Variants in SPATA25 observed in about 807,000 individuals in gnomAD.
The protein encoded by SPATA25 is spermatogenesis associated 25, also known as spermatogenesis-associated protein 25.
SPATA25 carries 16 observed loss-of-function variants against 16.0 expected under a neutral mutation model. That is an observed-to-expected ratio of 1.00 (90% CI 0.68 to 1.52). The LOEUF (loss-of-function observed/expected upper bound fraction) is 1.52, where lower values mean the gene tolerates loss of function less well. SPATA25 is among the 40% of genes most tolerant of loss of function. The probability of loss-of-function intolerance (pLI) is 0.00; values close to 1 mark genes in which losing one functional copy is unlikely to be tolerated. For synonymous variants in SPATA25, 115 were observed against 118.5 expected (o/e 0.97, Z 0.19); for missense variants, 285 against 289.2 (o/e 0.99, Z 0.11).
chr20:45,890,608 C>T, upstream of SPATA25: 2 of 1,612,700 alleles, frequency 1.2e-6, no homozygotes, highest in Non-Finnish European at 1.7e-6. Flanking sequence ...CCTCCGCCTC[C>T]GGGCGGCCCT....
upstream of SPATA25, among the ~76,000 whole-genome samples, chr20:45,889,215 G>A (rs974791791): frequency 2.6e-5 from 4 of 152,192 alleles, no homozygotes; most frequent in Non-Finnish European, 5.9e-5. Context: ...CATGAAATGT[G>A]ATGAGAGGTA....
chr20:45,887,495 A>G, intron 1 of SPATA25, 41 bp downstream of exon 1: 1 of 1,598,486 alleles, frequency 6.3e-7, no homozygotes, highest in Non-Finnish European at 8.6e-7. Flanking sequence ...TCTCAGGGGA[A>G]GCTGCCGCAC....
At chr20:45,889,537 C>T (rs561432099), upstream of SPATA25, among the ~76,000 whole-genome samples, 15 of 152,094 alleles carry the variant, frequency 9.9e-5, no homozygotes, top group Non-Finnish European at 1.8e-4. Context: ...ATTTTTTGTA[C>T]AGATGGGGTC....
chr20:45,886,958 T>C lies in SPATA25; in HGVS notation c.243A>G (p.Thr81=). Residue 81 remains threonine, a synonymous_variant, in exon 2 of 2, where the codon ACA becomes ACG. Transcript: ENST00000372519. Reference sequence around the variant, plus strand: ...AGTTTCGGCTGTATTCCTTCCGTAGTGTCTCCCAGCTAGTCCCCCCAGGGC... The same window carrying C: ...AGTTTCGGCTGTATTCCTTCCGTAGCGTCTCCCAGCTAGTCCCCCCAGGGC... ...RGCPGGTSWE[T]LRKEYSRNCH... is the part of the protein sequence containing the mutation. 6.2e-7 allele frequency: 1 copy of C among 1,614,034 alleles called. No individual in the cohort carries two copies. Among genetic ancestry groups the C allele is most frequent in the South Asian group, 1.1e-5 (1 of 91,090 alleles).
upstream of SPATA25, chr20:45,890,484 G>A: frequency 6.3e-7 from 1 of 1,599,158 alleles, no homozygotes; most frequent in South Asian, 1.1e-5. Context: ...TCCAAGAGAT[G>A]GCTGTAGAGC....
chr20:45,890,355 T>G (rs762625310), upstream of SPATA25: 3 of 1,612,796 alleles, frequency 1.9e-6, no homozygotes, highest in Middle Eastern at 4.9e-4. Flanking sequence ...CTCGGGCCCA[T>G]GTCCTCGCCG....
rs1986488342 is a variant in SPATA25, at chr20:45,886,753, G to T, written c.448C>A (p.Pro150Thr). 1 of 1,614,044 alleles carries T rather than the reference G, an allele frequency of 6.2e-7. No homozygotes were observed. Among genetic ancestry groups the T allele is most frequent in the Non-Finnish European group, 8.5e-7 (1 of 1,180,036 alleles). ...EAVGKEASSQ[P>T]DICILTLAMM... is the part of the protein sequence containing the mutation. ...GCGAGGGTGAGGATGCAGATATCAG[G>T]CTGGGAGCTGGCCTCCTTCCCCACT... Residue 150 changes from proline (P) to threonine (T), a missense_variant, in exon 2 of 2, where the codon CCT (proline) becomes ACT (threonine). Pro to Thr is a conservative substitution (Grantham distance 38). Transcript: ENST00000372519.
At chr20:45,890,992 C>G (rs1401171763), upstream of SPATA25, 9 of 1,485,740 alleles carry the variant, frequency 6.1e-6, no homozygotes, top group Non-Finnish European at 8.9e-7. Flanking sequence ...CAGCAGCCAT[C>G]TCTCGGCCAT....
At position 45,887,569 on chromosome 20, in the gene SPATA25, G is replaced by T. The variant is rs143878961; in HGVS notation, c.22C>A (p.Gln8Lys). Residue 8 changes from glutamine (Q) to lysine (K), a missense_variant, in exon 1 of 2, where the codon CAA becomes AAA. Gln to Lys is a moderately conservative substitution (Grantham distance 53). Coordinates refer to ENST00000372519, the MANE Select transcript of SPATA25 (RefSeq NM_080608.4). MSYFRTP[Q>K]THPGPLPSGQ... Reference sequence around the variant, plus strand: ...GAAGGCAGAGGACCTGGATGAGTTTGTGGAGTCCTGAAGTAGGACATGGCT... The same window carrying T: ...GAAGGCAGAGGACCTGGATGAGTTTTTGGAGTCCTGAAGTAGGACATGGCT... The T allele has an allele frequency of 3.7e-6, 6 of 1,613,930 alleles. 1 individual carries two copies. Among genetic ancestry groups the T allele is most frequent in the Non-Finnish European group, 5.1e-6 (6 of 1,179,902 alleles).
chr20:45,889,037 C>T (rs1986602236), upstream of SPATA25: 1 of 711,288 alleles, frequency 1.4e-6, no homozygotes, highest in Non-Finnish European at 2.3e-6. Flanking sequence ...AGCACCTCTT[C>T]CTGAGAGCTG....
upstream of SPATA25, among the ~76,000 whole-genome samples, chr20:45,889,421 C>G (rs1348025170): frequency 6.6e-6 from 1 of 151,530 alleles, no homozygotes; most frequent in Non-Finnish European, 1.5e-5. Flanking sequence ...GTGCAGTGCT[C>G]AGTGAACTGC....
chr20:45,890,290 A>G (rs772898181), upstream of SPATA25: 14 of 1,613,454 alleles, frequency 8.7e-6, no homozygotes, highest in East Asian at 2.2e-5. Context: ...TCTTTGTGGA[A>G]GCAAACACGT....
chr20:45,887,745 A>G, upstream of SPATA25: 1 of 597,458 alleles, frequency 1.7e-6, no homozygotes, highest in East Asian at 3.1e-5. Flanking sequence ...TGGACATGAC[A>G]ATAGGATGAG....
rs1301586827 is a variant in SPATA25, at chr20:45,886,673, G to A, written c.528C>T (p.Asp176=). The A allele has an allele frequency of 3.1e-6, 5 of 1,614,142 alleles. No homozygotes were observed. The South Asian group carries it at 5.5e-5, about 18-fold the overall frequency. Residue 176 remains aspartate (D), a synonymous_variant, in exon 2 of 2, where the codon GAC becomes GAT. Transcript: ENST00000372519. ...TVPVPGVREE[D]LIWAAQAFMM... ...TGAAAGCTTGAGCGGCCCAGATCAG[G>A]TCCTCTTCCCGAACTCCTGGGACGG...
chr20:45,890,737 C>T (rs751128365), upstream of SPATA25: 2 of 1,613,258 alleles, frequency 1.2e-6, no homozygotes, highest in Non-Finnish European at 1.7e-6. Context: ...CCAGCGCGGT[C>T]AGACCGAGAC....
chr20:45,886,811 C>T lies in SPATA25; in HGVS notation c.390G>A (p.Leu130=), dbSNP rs751066261. 3 of 1,613,902 alleles carry T rather than the reference C, an allele frequency of 1.9e-6. No homozygotes were observed. Among genetic ancestry groups the T allele is most frequent in the African/African-American group, 1.3e-5 (1 of 75,070 alleles). ...SRPRPLMLCG[L]SPRVLPVPSE... ...AGGGTACCGGTAGAACCCGTGGTGACAGCCCACACAGCATCAGGGGCCTAG... is the reference window on the plus strand; with the variant it reads ...AGGGTACCGGTAGAACCCGTGGTGATAGCCCACACAGCATCAGGGGCCTAG... The change falls in exon 2 of 2, where the codon CTG becomes CTA. Residue 130 remains leucine, a synonymous_variant. Transcript: ENST00000372519.
At chr20:45,890,952 A>G, upstream of SPATA25, 1 of 1,513,988 alleles carries the variant, frequency 6.6e-7, no homozygotes, top group Non-Finnish European at 8.8e-7. Context: ...TCGAGTCCCC[A>G]GAGTGCACCC....
At chr20:45,887,416 G>T (rs986962244) in intron 1 of SPATA25, 120 bp downstream of exon 1, 3 of 985,096 alleles carry the variant, frequency 3.0e-6, no homozygotes, top group Non-Finnish European at 4.4e-6. Context: ...TCTTCTAAAA[G>T]AATTGATTCT....
upstream of SPATA25, chr20:45,890,054 A>G: frequency 1.6e-6 from 1 of 613,296 alleles, no homozygotes; most frequent in South Asian, 2.0e-5. Context: ...TAATCAATCA[A>G]CCAAGATAGG....
Sources: allele counts gnomAD v4.1 joint callset (sites outside exome capture counted in the v4.1 genomes callset), GRCh38; gene constraint gnomAD v4.1.1; transcripts MANE v1.5; gene names NCBI Gene and HGNC (gene_info 2026-07-23, HGNC 2026-07-21).